CADPS: variants seen among roughly 807,000 people sequenced by gnomAD.
CADPS encodes the protein calcium dependent secretion activator.
CADPS carries 57 observed loss-of-function variants against 167.3 expected under a neutral mutation model. The observed-to-expected ratio is 0.34, with a 90% CI of 0.28 to 0.42. CADPS has a LOEUF of 0.42. CADPS is among the 20% of genes least tolerant of loss of function. The probability of loss-of-function intolerance (pLI) is 1.00; values close to 1 mark genes in which losing one functional copy is unlikely to be tolerated. For missense variants in CADPS, 1,414 were observed against 1,738.1 expected (o/e 0.81, Z 3.32); for synonymous variants, 676 against 635.3 (o/e 1.06, Z -0.96).
chr3:62,874,700 T>C lies in CADPS; in HGVS notation c.330A>G (p.Lys110=), dbSNP rs1224184874. 1 of 1,549,926 alleles carries C rather than the reference T, an allele frequency of 6.5e-7. No homozygotes were observed. The highest frequency in any genetic ancestry group is 1.7e-4 in the Middle Eastern group (1 of 5,968). The change falls in exon 1 of 30, where the codon AAA becomes AAG. Residue 110 remains lysine (K), a synonymous_variant. Coordinates refer to ENST00000383710, the MANE Select transcript of CADPS (RefSeq NM_003716.4). This position sits in a 1 kb window ranked among gnomAD's most constrained non-coding sequence, Gnocchi z 7.1. Reference sequence around the variant, plus strand: ...GCCTCTTCTTCCTCTCCTCCTCCTCTTTCTGCAGCCGCTCCAACTCTTCCT... The same window carrying C: ...GCCTCTTCTTCCTCTCCTCCTCCTCCTTCTGCAGCCGCTCCAACTCTTCCT... ...KEKEELERLQ[K]EEEERKKRLQ... is the part of the protein sequence containing the mutation.
intron 17 of CADPS, chr3:62,500,328 G>C (rs1275424889): frequency 2.0e-5 from 3 of 152,138 alleles, no homozygotes; most frequent in African/African-American, 7.2e-5. Context: ...GCTGATTTTT[G>C]TATTTTTAGT....
intron 1 of CADPS, among the ~76,000 whole-genome samples, chr3:62,863,097 T>C (rs906308837): frequency 2.6e-5 from 4 of 152,198 alleles, no homozygotes; most frequent in Non-Finnish European, 4.4e-5. Flanking sequence ...ACCTATTATA[T>C]ATACATACAA....
intron 28 of CADPS, among the ~76,000 whole-genome samples, chr3:62,430,677 T>G (rs985025625): frequency 3.9e-5 from 6 of 151,988 alleles, no homozygotes; most frequent in African/African-American, 1.4e-4. Context: ...TACATACACA[T>G]ACACACACAC....
chr3:62,470,900 T>C (rs1165031160), intron 24 of CADPS: 1 of 152,180 alleles, frequency 6.6e-6, no homozygotes, highest in African/African-American at 2.4e-5. Context: ...TTTGTTTTCA[T>C]TAAAAAAATT....
intron 28 of CADPS, among the ~76,000 whole-genome samples, chr3:62,411,933 A>G (rs1300964536): frequency 6.6e-6 from 1 of 152,170 alleles, no homozygotes; most frequent in Non-Finnish European, 1.5e-5. Flanking sequence ...GTGTTGCTAT[A>G]ATTCAGGATT....
At chr3:62,748,437 C>T (rs983858664) in intron 3 of CADPS, among the ~76,000 whole-genome samples, 2 of 149,706 alleles carry the variant, frequency 1.3e-5, no homozygotes, top group Non-Finnish European at 3.0e-5. Flanking sequence ...GGAAAATATC[C>T]GCACAGTTTT....
chr3:62,441,693 A>C (rs2056338798), intron 27 of CADPS, among the ~76,000 whole-genome samples: 1 of 152,244 alleles, frequency 6.6e-6, no homozygotes, highest in African/African-American at 2.4e-5. Context: ...CTTCAGAGAT[A>C]GAAATGAGTT....
intron 28 of CADPS, among the ~76,000 whole-genome samples, chr3:62,413,576 G>A (rs960270321): frequency 6.6e-6 from 1 of 152,174 alleles, no homozygotes; most frequent in Non-Finnish European, 1.5e-5. Context: ...AGAACAGTCA[G>A]AAAGTAGAAC....
intron 3 of CADPS, among the ~76,000 whole-genome samples, chr3:62,667,937 T>C (rs1858386): frequency 0.95 from 145,225 of 152,206 alleles, 69,652 homozygotes; most frequent in East Asian, 1. Context: ...GGAGCCTCCT[T>C]ATTAGCTTCA....
intron 8 of CADPS, among the ~76,000 whole-genome samples, chr3:62,578,508 G>C (rs2082734204): frequency 6.6e-6 from 1 of 151,082 alleles, no homozygotes; most frequent in Admixed American, 6.6e-5. Context: ...TGCTTGGGAG[G>C]CTGAGGCAGG....
chr3:62,726,930 AAAG>A (rs759579679), intron 3 of CADPS, among the ~76,000 whole-genome samples: 1 of 151,872 alleles, frequency 6.6e-6, no homozygotes, highest in African/African-American at 2.4e-5. Flanking sequence ...ATCTCTTTAA[AAAG>A]AAGTCATTGC....
At chr3:62,686,390 T>C (rs1346038617) in intron 3 of CADPS, among the ~76,000 whole-genome samples, 1 of 152,082 alleles carries the variant, frequency 6.6e-6, no homozygotes, top group Non-Finnish European at 1.5e-5. Context: ...TCAGCTGACA[T>C]CAGTGGACAG....
chr3:62,636,313 T>C (rs1349177385), intron 6 of CADPS, among the ~76,000 whole-genome samples: 1 of 152,214 alleles, frequency 6.6e-6, no homozygotes, highest in Non-Finnish European at 1.5e-5. Context: ...TTTGCTCTTA[T>C]GCCCATGCTG....
intron 6 of CADPS, among the ~76,000 whole-genome samples, chr3:62,617,077 T>C (rs1485916355): frequency 6.6e-6 from 1 of 152,184 alleles, no homozygotes; most frequent in Non-Finnish European, 1.5e-5. Flanking sequence ...TGTTAAATAT[T>C]GGAGTGCTGC....
rs1443870194 is a variant in CADPS at position 62,425,814 on chromosome 3, T to C, written c.3777+12290A>G. 2.0e-5 allele frequency among the ~76,000 whole-genome samples: 3 copies of C among 152,120 alleles called. No individual in the cohort carries two copies. The East Asian group carries it at 5.8e-4, about 29-fold the overall frequency. Reference sequence around the variant, plus strand: ...TACAGTGTTGGTAAGTCAGGGACACTCCCAAAGGAAGCAATAATGTTTCCT... The same window carrying C: ...TACAGTGTTGGTAAGTCAGGGACACCCCCAAAGGAAGCAATAATGTTTCCT... On this transcript the variant is annotated intron_variant, in intron 28 of 29. Coordinates refer to ENST00000383710, the MANE Select transcript of CADPS (RefSeq NM_003716.4).
chr3:62,591,628 G>A (rs180808545), intron 7 of CADPS, among the ~76,000 whole-genome samples: 4 of 152,292 alleles, frequency 2.6e-5, no homozygotes, highest in Admixed American at 2.6e-4. Flanking sequence ...AGCAGGTGGG[G>A]TTATTGGCAA....
chr3:62,815,452 G>T (rs1276484203), intron 1 of CADPS, among the ~76,000 whole-genome samples: 1 of 151,990 alleles, frequency 6.6e-6, no homozygotes, highest in African/African-American at 2.4e-5. Context: ...GACTGGCAGG[G>T]GGCAGGATGG....
intron 11 of CADPS, among the ~76,000 whole-genome samples, chr3:62,541,230 C>CTAAG (rs2075635902): frequency 1.3e-5 from 2 of 152,220 alleles, no homozygotes; most frequent in South Asian, 2.1e-4. Context: ...GAAGTAGTTC[C>CTAAG]TAAGTCCTGC....
intron 6 of CADPS, among the ~76,000 whole-genome samples, chr3:62,629,331 C>G (rs2064801729): frequency 6.6e-6 from 1 of 152,158 alleles, no homozygotes; most frequent in Non-Finnish European, 1.5e-5. Flanking sequence ...CTTTCTGCCT[C>G]CATAGATTTG....
Sources: allele counts gnomAD v4.1 joint callset (sites outside exome capture counted in the v4.1 genomes callset), GRCh38; gene constraint gnomAD v4.1.1; non-coding constraint Gnocchi (gnomAD v3.1); transcripts MANE v1.5; gene names NCBI Gene and HGNC (gene_info 2026-07-23, HGNC 2026-07-21).